SNX14: variants seen among roughly 807,000 people sequenced by gnomAD.
The protein encoded by SNX14 is sorting nexin 14.
SNX14 carries 93 observed loss-of-function variants against 133.8 expected under a neutral mutation model. The ratio of observed to expected loss-of-function variants is 0.70; its 90% CI spans 0.59 to 0.83. The LOEUF is 0.83. SNX14 is among the 40% of genes least tolerant of loss of function. The probability of loss-of-function intolerance (pLI) is 0.00; values close to 1 mark genes in which losing one functional copy is unlikely to be tolerated. For synonymous variants in SNX14, 368 were observed against 365.6 expected (o/e 1.01, Z -0.07); for missense variants, 945 against 1,094.9 (o/e 0.86, Z 1.93).
At chr6:85,562,606 A>C (rs190433030) in intron 6 of SNX14, among the ~76,000 whole-genome samples, 1,407 of 22,436 alleles carry the variant, frequency 0.063, 42 homozygotes, top group African/African-American at 0.24. Flanking sequence ...TTTTTTTTTG[A>C]GACAGAGTCT....
At position 85,578,258 on chromosome 6, in the gene SNX14, T is replaced by C. The variant is rs1411607202; in HGVS notation, c.141-3880A>G. On this transcript the variant is annotated intron_variant, in intron 1 of 28. Transcript: ENST00000314673. ...CTTTCCCAACACCACACAGGATGCA[T>C]AGAAGGATGAATATGCAGTTACATT... is the stretch of plus-strand genomic sequence containing the variant. Among the ~76,000 whole-genome samples, 7 of 152,176 alleles carry C rather than the reference T, an allele frequency of 4.6e-5. No homozygotes were observed. In the South Asian group the frequency reaches 1.5e-3, roughly 32 times the overall value.
At position 85,536,781 on chromosome 6, in the gene SNX14, A is replaced by G. The variant is rs199746497; in HGVS notation, c.1608+11T>C. 11 of 1,605,780 alleles carry G rather than the reference A, an allele frequency of 6.9e-6. No homozygotes were observed. Among genetic ancestry groups the G allele is most frequent in the Non-Finnish European group, 8.5e-6 (10 of 1,176,648 alleles). ...AGTTATAAATAAATCAAATTGATAC[A>G]TTTTACTTACAAAATCATCTTCACC... On this transcript the variant is annotated intron_variant, in intron 17 of 28. Coordinates refer to ENST00000314673, the MANE Select transcript of SNX14 (RefSeq NM_153816.6).
chr6:85,564,024 T>C (rs1314761935), intron 6 of SNX14, among the ~76,000 whole-genome samples: 1 of 152,108 alleles, frequency 6.6e-6, no homozygotes, highest in African/African-American at 2.4e-5. Flanking sequence ...ATGCGGTGTT[T>C]GGTTATCTGT....
At chr6:85,511,840 T>C (rs1772928480) in intron 26 of SNX14, among the ~76,000 whole-genome samples, 1 of 152,236 alleles carries the variant, frequency 6.6e-6, no homozygotes, top group African/African-American at 2.4e-5. Flanking sequence ...TTCTTGCCTT[T>C]AATATGTCTT....
chr6:85,526,701 C>T (rs1778590406), intron 20 of SNX14, among the ~76,000 whole-genome samples: 1 of 152,142 alleles, frequency 6.6e-6, no homozygotes, highest in South Asian at 2.1e-4. Flanking sequence ...AAGGGTTTTG[C>T]AGAAAACTAG....
chr6:85,521,651 C>G (rs902663565), intron 21 of SNX14, among the ~76,000 whole-genome samples: 7 of 152,020 alleles, frequency 4.6e-5, no homozygotes, highest in Non-Finnish European at 8.8e-5. Context: ...TGTGTAGAAG[C>G]CTTTTATTAG....
At chr6:85,508,451 T>C (rs1771541599) in intron 26 of SNX14, 5 of 891,158 alleles carry the variant, frequency 5.6e-6, no homozygotes, top group Non-Finnish European at 6.7e-6. Flanking sequence ...TAGAAATGCA[T>C]GGAAAAATGT....
In SNX14 at chr6:85,515,159, T is replaced by C. The variant is rs994711612; in HGVS notation, c.2269-530A>G. The stretch of plus-strand genomic sequence containing the variant: ...ATGCGTGCCTGTAGTCCCAGCTACT[T>C]GGGAGACTGAGGCAGGAGAATAGTT... On this transcript the variant is annotated intron_variant, in intron 23 of 28. Coordinates refer to ENST00000314673, the MANE Select transcript of SNX14 (RefSeq NM_153816.6). 3.4e-5 allele frequency among the ~76,000 whole-genome samples: 5 copies of C among 147,100 alleles called. No homozygotes were observed. The East Asian group carries it at 8.2e-4, about 24-fold the overall frequency.
intron 1 of SNX14, among the ~76,000 whole-genome samples, chr6:85,587,681 C>G (rs1169863625): frequency 6.6e-6 from 1 of 152,036 alleles, no homozygotes; most frequent in African/African-American, 2.4e-5. Context: ...AGGCTGGTCT[C>G]GAACTTCTGG....
Position 85,507,230 on chromosome 6 carries a change from T to C in SNX14, c.2802+3A>G. On this transcript the variant is annotated splice_donor_region_variant and intron_variant, in intron 28 of 28. Transcript: ENST00000314673. Reference sequence around the variant, plus strand: ...ATGAATAAAATTACTGCTTTTCAGTTACCTTATTGAGCTCTGGAAACAGTT... The same window carrying C: ...ATGAATAAAATTACTGCTTTTCAGTCACCTTATTGAGCTCTGGAAACAGTT... The C allele has an allele frequency of 6.2e-7, 1 of 1,609,344 alleles. No individual in the cohort carries two copies. The highest frequency in any genetic ancestry group is 8.5e-7 in the Non-Finnish European group (1 of 1,177,936).
chr6:85,520,901 G>A (rs1445328486), intron 21 of SNX14, among the ~76,000 whole-genome samples: 1 of 152,100 alleles, frequency 6.6e-6, no homozygotes, highest in East Asian at 1.9e-4. Flanking sequence ...TCTAGTTTGG[G>A]CTATACAAAG....
chr6:85,567,087 A>G (rs1308861466), intron 5 of SNX14, among the ~76,000 whole-genome samples: 1 of 152,342 alleles, frequency 6.6e-6, no homozygotes, highest in Non-Finnish European at 1.5e-5. Flanking sequence ...AATTATTTCA[A>G]ATGTGAAAAC....
At chr6:85,541,930 T>C in intron 15 of SNX14, 55 bp downstream of exon 15, 1 of 1,301,166 alleles carries the variant, frequency 7.7e-7, no homozygotes, top group Non-Finnish European at 1.1e-6. Context: ...AAGACAATGA[T>C]GCTATCATAG....
Position 85,556,472 on chromosome 6 carries a change from C to CTT in SNX14, c.634+1502_634+1503dup, listed in dbSNP as rs371881772. On this transcript the variant is annotated intron_variant, in intron 7 of 28. Coordinates refer to ENST00000314673, the MANE Select transcript of SNX14 (RefSeq NM_153816.6). ...CGTACTCAAACTCTTTCACATTCAT[C>CTT]TTTTTTTTTTTTTTTTGAGATGGAG... Among the ~76,000 whole-genome samples, 417 of 136,918 alleles carry CTT rather than the reference C, an allele frequency of 3.0e-3. 9 individuals carry two copies. Among genetic ancestry groups the CTT allele is most frequent in the East Asian group, 6.3e-3 (30 of 4,774 alleles). 89.8% of individuals were successfully genotyped at this position (136,918 alleles called of 152,430 possible). A position where few individuals can be genotyped will look rare whatever the true frequency, so the allele number is the denominator to read the frequency against.
At chr6:85,563,911 T>C (rs1176763953) in intron 6 of SNX14, among the ~76,000 whole-genome samples, 2 of 152,080 alleles carry the variant, frequency 1.3e-5, no homozygotes, top group East Asian at 3.9e-4. Flanking sequence ...CCTAATACTA[T>C]CCCTCCCCCC....
intron 23 of SNX14, among the ~76,000 whole-genome samples, chr6:85,516,637 T>C (rs1325062928): frequency 8.7e-6 from 1 of 114,392 alleles, no homozygotes; most frequent in African/African-American, 4.7e-5. Flanking sequence ...TTAATCTTTT[T>C]TTTTTTTTTT....
intron 21 of SNX14, among the ~76,000 whole-genome samples, chr6:85,519,296 C>G (rs1343633423): frequency 1.3e-5 from 2 of 152,200 alleles, no homozygotes; most frequent in Non-Finnish European, 2.9e-5. Flanking sequence ...ATTTAACTCA[C>G]TGATTTAGTT....
At chr6:85,530,083 T>C (rs2127989132) in intron 19 of SNX14, 109 bp downstream of exon 19, 1 of 627,668 alleles carries the variant, frequency 1.6e-6, no homozygotes. Context: ...GCATCAATGT[T>C]GTATTTCTTG....
rs1784344223 is a variant in SNX14, at chr6:85,543,210, A to C, written c.1361T>G (p.Phe454Cys). ...ATCACTATGGCAGAACATAGGAGTA[A>C]ATACATTCTCCAAAAGGGAAAGAAC... ...EHVLSLLENV[F>C]TPMFCHSDEY... Residue 454 changes from phenylalanine to cysteine, a missense_variant, in exon 14 of 29, where the codon TTT becomes TGT. This residue lies in a region of SNX14 where 514 missense variants were observed against 538.8 expected (regional missense o/e 0.95). Coordinates refer to ENST00000314673, the MANE Select transcript of SNX14 (RefSeq NM_153816.6). The C allele has an allele frequency of 1.3e-6, 2 of 1,588,880 alleles. No homozygotes were observed. The highest frequency in any genetic ancestry group is 1.4e-5 in the African/African-American group (1 of 73,382).
Sources: allele counts gnomAD v4.1 joint callset (sites outside exome capture counted in the v4.1 genomes callset), GRCh38; gene constraint gnomAD v4.1.1; regional missense constraint gnomAD v4.1.1; transcripts MANE v1.5; gene names NCBI Gene and HGNC (gene_info 2026-07-23, HGNC 2026-07-21).